Variants in INPP5D observed in about 807,000 individuals in gnomAD.
The protein encoded by INPP5D is phosphatidylinositol 3,4,5-trisphosphate 5-phosphatase 1.
Under a neutral mutation model 122.9 loss-of-function variants are expected in INPP5D, and 33 were observed. That is an observed-to-expected ratio of 0.27 (90% CI 0.20 to 0.36). INPP5D has a LOEUF of 0.36. Among genes scored for constraint, INPP5D ranks in the 10% least tolerant of loss-of-function variants. INPP5D has a pLI of 1.00. For synonymous variants in INPP5D, 584 were observed against 576.2 expected, an observed-to-expected ratio of 1.01 and a Z score of -0.19; for missense variants, 1,053 against 1,412.7, an observed-to-expected ratio of 0.75 and a Z score of 4.08.
chr2:233,152,244 G>A (rs1204636577), intron 9 of INPP5D, among the ~76,000 whole-genome samples: 1 of 152,148 alleles, frequency 6.6e-6, no homozygotes, highest in Admixed American at 6.5e-5. Context: ...TATTATGACA[G>A]AGCGGTGCTC....
rs1423203392 is a variant in INPP5D, at chr2:233,160,513, C to A, written c.1138-1211C>A. Among the ~76,000 whole-genome samples the A allele has an allele frequency of 6.6e-6, 1 of 152,210 alleles. No homozygotes were observed. Among genetic ancestry groups the A allele is most frequent in the African/African-American group, 2.4e-5 (1 of 41,454 alleles). On this transcript the variant is annotated intron_variant, in intron 10 of 26. Coordinates refer to ENST00000445964, the MANE Select transcript of INPP5D (RefSeq NM_001017915.3). The surrounding 1 kb of genome is among the most constrained non-coding windows in gnomAD (Gnocchi z 4.2). Reference sequence around the variant, plus strand: ...CTCCTTGGTGAAGACGTGGCAAACACAAACAAGCAAATGTTTAAAATAAAA... The same window carrying A: ...CTCCTTGGTGAAGACGTGGCAAACAAAAACAAGCAAATGTTTAAAATAAAA...
At position 233,183,286 on chromosome 2, in the gene INPP5D, G is replaced by A. The variant is rs1046811102; in HGVS notation, c.2161+787G>A. On this transcript the variant is annotated intron_variant, in intron 19 of 26. Transcript: ENST00000445964. This position sits in a 1 kb window ranked among gnomAD's most constrained non-coding sequence, Gnocchi z 4.6. ...TCCTTTAGGAAGACCAAGCGTAGGGGACCCAAATACAGGGAAAGACCATCT... is the reference window on the plus strand; with the variant it reads ...TCCTTTAGGAAGACCAAGCGTAGGGAACCCAAATACAGGGAAAGACCATCT... 3.3e-5 allele frequency among the ~76,000 whole-genome samples: 5 copies of A among 152,132 alleles called. No homozygotes were observed. The highest frequency in any genetic ancestry group is 9.7e-5 in the African/African-American group (4 of 41,446).
At chr2:233,172,393 G>T (rs760884248) in intron 17 of INPP5D, among the ~76,000 whole-genome samples, 2 of 152,206 alleles carry the variant, frequency 1.3e-5, no homozygotes, top group Non-Finnish European at 2.9e-5. Flanking sequence ...TGGGCATTGT[G>T]GTAAAGGATG....
chr2:233,137,162 T>C (rs896912639), intron 5 of INPP5D, among the ~76,000 whole-genome samples: 14 of 152,300 alleles, frequency 9.2e-5, no homozygotes, highest in African/African-American at 3.1e-4. Flanking sequence ...TTAATATAAA[T>C]GCATATTGTT....
intron 10 of INPP5D, 120 bp downstream of exon 10, chr2:233,158,539 T>C (rs1694115890): frequency 1.8e-6 from 1 of 542,656 alleles, no homozygotes; most frequent in Non-Finnish European, 3.3e-6. Context: ...AACAACCCAT[T>C]TCACACCTGG....
chr2:233,111,608 G>A lies in INPP5D; in HGVS notation c.199-10499G>A, dbSNP rs569721580. On this transcript the variant is annotated intron_variant, in intron 2 of 26. Coordinates refer to ENST00000445964, the MANE Select transcript of INPP5D (RefSeq NM_001017915.3). Reference sequence around the variant, plus strand: ...ACATGGCCCGGATTCTGCGTTTTCTGCAGGAGTGCATAGCAGCAATGCTGT... The same window carrying A: ...ACATGGCCCGGATTCTGCGTTTTCTACAGGAGTGCATAGCAGCAATGCTGT... Among the ~76,000 whole-genome samples, 4 of 152,314 alleles carry A rather than the reference G, an allele frequency of 2.6e-5. No homozygotes were observed. In the South Asian group the frequency reaches 8.3e-4, roughly 32 times the overall value.
chr2:233,130,197 G>A (rs1693280902), intron 4 of INPP5D, among the ~76,000 whole-genome samples: 2 of 152,072 alleles, frequency 1.3e-5, no homozygotes, highest in Admixed American at 1.3e-4. Flanking sequence ...GCCCAGCCTT[G>A]GTCTCCTTTT....
At chr2:233,125,987 G>A (rs1693147266) in intron 4 of INPP5D, 68 bp downstream of exon 4, 1 of 1,504,752 alleles carries the variant, frequency 6.6e-7, no homozygotes, top group Admixed American at 2.1e-5. Context: ...GGGCTGGATG[G>A]CTTGGGTTTC....
At chr2:233,130,486 G>T (rs774644547) in intron 4 of INPP5D, 22 bp from the exon 5 acceptor site, 1 of 1,611,694 alleles carries the variant, frequency 6.2e-7, no homozygotes, top group South Asian at 1.1e-5. Flanking sequence ...AGCATAGTTT[G>T]TTTCTTTTTT....
intron 26 of INPP5D, among the ~76,000 whole-genome samples, chr2:233,205,804 C>T (rs1045481990): frequency 1.1e-4 from 17 of 151,904 alleles, no homozygotes; most frequent in Admixed American, 3.9e-4. Flanking sequence ...CCAGGCCGGG[C>T]GTGGTGGCTC....
At chr2:233,144,603 TA>T (rs1354141231) in intron 6 of INPP5D, among the ~76,000 whole-genome samples, 17,689 of 146,966 alleles carry the variant, frequency 0.12, 130 homozygotes, top group Non-Finnish European at 0.15. Flanking sequence ...GTGAAGGTGG[TA>T]GTGGTGATGG....
intron 2 of INPP5D, among the ~76,000 whole-genome samples, chr2:233,098,142 C>T (rs905555075): frequency 3.3e-5 from 5 of 152,168 alleles, no homozygotes; most frequent in African/African-American, 1.2e-4. Flanking sequence ...ATCCACCTGC[C>T]TCAGCCTCCC....
At chr2:233,202,351 A>G (rs1366944965) in intron 25 of INPP5D, among the ~76,000 whole-genome samples, 1 of 152,158 alleles carries the variant, frequency 6.6e-6, no homozygotes, top group African/African-American at 2.4e-5. Flanking sequence ...CCCTTTCCAA[A>G]GTCCTTGTTT....
At position 233,179,523 on chromosome 2, in the gene INPP5D, G is replaced by C. The variant is rs551545681; in HGVS notation, c.2071+2177G>C. 3.3e-5 allele frequency among the ~76,000 whole-genome samples: 5 copies of C among 152,342 alleles called. No homozygotes were observed. In the East Asian group the frequency reaches 5.8e-4, roughly 18 times the overall value. ...AAAGAGGAGGGAGATCAGTCCGGAA[G>C]TGGCAATGAGGAGCAGGAAGGACAC... On this transcript the variant is annotated intron_variant, in intron 18 of 26. Coordinates refer to ENST00000445964, the MANE Select transcript of INPP5D (RefSeq NM_001017915.3).
At chr2:233,068,573 C>T (rs574694519) in intron 1 of INPP5D, among the ~76,000 whole-genome samples, 6 of 151,938 alleles carry the variant, frequency 3.9e-5, no homozygotes, top group East Asian at 3.9e-4. Context: ...CCAGCCTGGG[C>T]GACAGAGCTA....
At chr2:233,179,210 C>T (rs564305074) in intron 18 of INPP5D, among the ~76,000 whole-genome samples, 1 of 152,350 alleles carries the variant, frequency 6.6e-6, no homozygotes, top group Non-Finnish European at 1.5e-5. Context: ...GTGCCTGAGT[C>T]CTACCCTCTG....
At chr2:233,071,505 A>C (rs1691383076) in intron 1 of INPP5D, among the ~76,000 whole-genome samples, 1 of 152,056 alleles carries the variant, frequency 6.6e-6, no homozygotes, top group Admixed American at 6.6e-5. Flanking sequence ...TTTATAAAAT[A>C]TTTTATTTTA....
chr2:233,169,347 C>A lies in INPP5D; in HGVS notation c.1598C>A (p.Thr533Asn). 1 of 1,606,766 alleles carries A rather than the reference C, an allele frequency of 6.2e-7. No homozygotes were observed. Among genetic ancestry groups the A allele is most frequent in the Non-Finnish European group, 8.5e-7 (1 of 1,176,614 alleles). Reference protein sequence around the residue: ...AVGVSFMFNGTSLGFVNSHLT... With the variant: ...AVGVSFMFNGNSLGFVNSHLT... ...GGGGTGTCGTTCATGTTCAATGGAA[C>A]CTCCTTAGGGTTCGTCAACAGCCAC... Residue 533 changes from threonine (T) to asparagine (N), a missense_variant, in exon 14 of 27, where the codon ACC (threonine) becomes AAC (asparagine). Physicochemically the swap from Thr to Asn is moderately conservative, Grantham distance 65. Around this residue, in one of 6 missense-constraint regions of INPP5D, gnomAD observed 258 missense variants for 439.1 expected, o/e 0.59. Coordinates refer to ENST00000445964, the MANE Select transcript of INPP5D (RefSeq NM_001017915.3).
At chr2:233,191,960 T>C (rs1252752532) in intron 22 of INPP5D, among the ~76,000 whole-genome samples, 1 of 152,016 alleles carries the variant, frequency 6.6e-6, no homozygotes, top group Non-Finnish European at 1.5e-5. Context: ...CTCCCCTCCT[T>C]GGGGAGGTGA....
Sources: allele counts gnomAD v4.1 joint callset (sites outside exome capture counted in the v4.1 genomes callset), GRCh38; gene constraint gnomAD v4.1.1; regional missense constraint gnomAD v4.1.1; non-coding constraint Gnocchi (gnomAD v3.1); transcripts MANE v1.5; gene names NCBI Gene and HGNC (gene_info 2026-07-23, HGNC 2026-07-21).